The following GAPDHS variants were observed in gnomAD, a reference collection of about 807,000 sequenced individuals.
GAPDHS encodes the protein glyceraldehyde-3-phosphate dehydrogenase, spermatogenic.
In GAPDHS, 42 loss-of-function variants were observed where a neutral mutation model predicts 48.7. The ratio of observed to expected loss-of-function variants is 0.86; its 90% confidence interval spans 0.67 to 1.12. The LOEUF (loss-of-function observed/expected upper bound fraction) is 1.12. Among genes scored for constraint, GAPDHS ranks in the 50% most tolerant of loss-of-function variants. GAPDHS has a pLI of 0.00. For missense variants in GAPDHS, 512 were observed against 557.7 expected (o/e 0.92, Z 0.82); for synonymous variants, 166 against 219.1 (o/e 0.76, Z 2.14).
At position 35,533,558 on chromosome 19, in the gene GAPDHS, G is replaced by A. The variant is rs759333848; in HGVS notation, c.31G>A (p.Val11Ile). Residue 11 changes from valine to isoleucine, a missense_variant, in exon 1 of 11, where the codon GTC becomes ATC. Coordinates refer to ENST00000222286, the MANE Select transcript of GAPDHS (RefSeq NM_014364.5). MSKRDIVLTNVTVVQLLRQPC... is the reference protein window; with the variant it reads MSKRDIVLTNITVVQLLRQPC... ...GAAGCGCGACATCGTCCTCACCAAT[G>A]TCACCGTTGTCCAGTTGCTGCGACA... 3.0e-5 allele frequency: 49 copies of A among 1,613,404 alleles called. No individual in the cohort carries two copies. The highest frequency in any genetic ancestry group is 5.0e-5 in the Admixed American group (3 of 59,990).
rs1273404725 is a variant in GAPDHS, at chr19:35,545,276, C to T, written c.*106C>T. On this transcript the variant is annotated 3_prime_UTR_variant, in exon 11 of 11. Coordinates refer to ENST00000222286, the MANE Select transcript of GAPDHS (RefSeq NM_014364.5). Reference sequence around the variant, plus strand: ...GAGGAAGGACACCCGGGGCGGGCGCCCCACGCCGATGGGTCCATGGTGAAA... The same window carrying T: ...GAGGAAGGACACCCGGGGCGGGCGCTCCACGCCGATGGGTCCATGGTGAAA... 1.1e-6 allele frequency: 1 copy of T among 899,834 alleles called. No homozygotes were observed. Among genetic ancestry groups the T allele is most frequent in the African/African-American group, 1.6e-5 (1 of 61,318 alleles). The allele number at this position is 899,834 out of a possible 1,614,324, so 55.7% of individuals were successfully genotyped here.
At chr19:35,542,032 G>A in intron 4 of GAPDHS, 1 of 457,098 alleles carries the variant, frequency 2.2e-6, no homozygotes, top group Non-Finnish European at 4.1e-6. Context: ...GTCAGCATTG[G>A]CGCCTCTGAG....
At chr19:35,542,087 A>AT (rs2071507085) in intron 4 of GAPDHS, 1 of 556,854 alleles carries the variant, frequency 1.8e-6, no homozygotes, top group African/African-American at 1.9e-5. Context: ...GTACCCAGGC[A>AT]TAACAGGGGT....
At chr19:35,533,616 G>A (rs746493108) in intron 1 of GAPDHS, 22 bp downstream of exon 1, 17 of 1,592,224 alleles carry the variant, frequency 1.1e-5, no homozygotes, top group East Asian at 2.2e-5. Context: ...AGCGGAGGGC[G>A]CGGGGGAGGG....
At chr19:35,535,669 G>A (rs900312138) in intron 1 of GAPDHS, among the ~76,000 whole-genome samples, 4 of 151,876 alleles carry the variant, frequency 2.6e-5, no homozygotes, top group Admixed American at 2.6e-4. Context: ...TTACAGGCGT[G>A]AGCCACCGCT....
intron 10 of GAPDHS, 40 bp downstream of exon 10, chr19:35,545,046 T>C (rs1013225159): frequency 6.2e-7 from 1 of 1,601,542 alleles, no homozygotes; most frequent in African/African-American, 1.3e-5. Context: ...GGAGGGGAAC[T>C]AAGGGGTGGT....
At position 35,538,792 on chromosome 19, in the gene GAPDHS, C is replaced by A. The variant is rs2071482633; in HGVS notation, c.449+109C>A. On this transcript the variant is annotated intron_variant, in intron 4 of 10. Transcript: ENST00000222286. ...TCACATGGGGTGCTGAAACCACCCC[C>A]AAAATTGCGTGTGCATGCCTCTAGG... is the stretch of plus-strand genomic sequence containing the variant. The A allele has an allele frequency of 5.5e-6, 4 of 722,332 alleles. No individual in the cohort carries two copies. In the East Asian group the frequency reaches 1.1e-4, roughly 19 times the overall value. The allele number at this position is 722,332 out of a possible 1,614,324, so 44.7% of individuals were successfully genotyped here.
chr19:35,537,093 C>A (rs538933884), intron 2 of GAPDHS, 103 bp downstream of exon 2: 2 of 978,206 alleles, frequency 2.0e-6, no homozygotes, highest in Non-Finnish European at 3.1e-6. Flanking sequence ...TCAATGCTTT[C>A]GTTCCGACGA....
chr19:35,533,793 G>A (rs1019955618), intron 1 of GAPDHS, among the ~76,000 whole-genome samples, 199 bp downstream of exon 1: 2 of 152,196 alleles, frequency 1.3e-5, no homozygotes, highest in Non-Finnish European at 2.9e-5. Flanking sequence ...CGGGGAGACC[G>A]GGCCTCCGCC....
chr19:35,539,201 C>T (rs1311063562), intron 4 of GAPDHS, among the ~76,000 whole-genome samples: 2 of 152,320 alleles, frequency 1.3e-5, no homozygotes, highest in Middle Eastern at 3.4e-3. Flanking sequence ...TTTGCTTTAA[C>T]GCACATTTGC....
At position 35,542,373 on chromosome 19, in the gene GAPDHS, G is replaced by T. The variant is rs2071509787; in HGVS notation, c.504G>T (p.Glu168Asp). The T allele has an allele frequency of 6.2e-7, 1 of 1,612,686 alleles. No homozygotes were observed. The highest frequency in any genetic ancestry group is 8.5e-7 in the Non-Finnish European group (1 of 1,179,086). ...WRAVGSPYVV[E>D]STGVYLSIQA... ...CTGTCGGGAGCCCCTACGTGGTGGA[G>T]TCCACAGGCGTGTACCTCTCCATAC... Residue 168 changes from glutamate (E) to aspartate (D), a missense_variant, in exon 5 of 11, where the codon GAG (glutamate) becomes GAT (aspartate). Coordinates refer to ENST00000222286, the MANE Select transcript of GAPDHS (RefSeq NM_014364.5).
chr19:35,543,447 T>C lies in GAPDHS; in HGVS notation c.849T>C (p.Thr283=). The C allele has an allele frequency of 1.2e-6, 2 of 1,607,068 alleles. No homozygotes were observed. The highest frequency in any genetic ancestry group is 1.8e-5 in the Admixed American group (1 of 57,116). The change falls in exon 8 of 11, where the codon ACT becomes ACC. Residue 283 remains threonine (T), a synonymous_variant. Coordinates refer to ENST00000222286, the MANE Select transcript of GAPDHS (RefSeq NM_014364.5). ...ACCAGAACATCATCCCAGCCTCCACTGGGGCTGCGAAAGCTGTGACCAAAG... is the reference window on the plus strand; with the variant it reads ...ACCAGAACATCATCCCAGCCTCCACCGGGGCTGCGAAAGCTGTGACCAAAG... The part of the protein sequence containing the change: ...GAHQNIIPAS[T]GAAKAVTKVI...
At chr19:35,544,000 T>G in intron 9 of GAPDHS, 173 bp downstream of exon 9, 1 of 1,246,224 alleles carries the variant, frequency 8.0e-7, no homozygotes, top group Non-Finnish European at 1.1e-6. Flanking sequence ...AATGCTTCCC[T>G]TGCCAGGTGA....
intron 2 of GAPDHS, 44 bp from the exon 3 acceptor site, chr19:35,538,263 A>C: frequency 1.4e-6 from 2 of 1,383,650 alleles, no homozygotes; most frequent in Non-Finnish European, 2.0e-6. Context: ...CCTCCTCTCC[A>C]TTACCCCCTT....
chr19:35,536,723 G>A, intron 1 of GAPDHS, 90 bp from the exon 2 acceptor site: 1 of 1,106,418 alleles, frequency 9.0e-7, no homozygotes. Flanking sequence ...GAGGGGCCAG[G>A]AGCCAGCAAC....
intron 1 of GAPDHS, among the ~76,000 whole-genome samples, chr19:35,534,049 C>T (rs958464119): frequency 6.6e-6 from 1 of 152,242 alleles, no homozygotes; most frequent in Admixed American, 6.5e-5. Flanking sequence ...GTGCTGACCA[C>T]TTCGCAGGCG....
chr19:35,537,197 G>A (rs2071471841), intron 2 of GAPDHS, among the ~76,000 whole-genome samples: 1 of 152,216 alleles, frequency 6.6e-6, no homozygotes, highest in African/African-American at 2.4e-5. Flanking sequence ...AAATTAGATT[G>A]TTCAGTAGAG....
chr19:35,544,848 C>A, intron 9 of GAPDHS, 61 bp from the exon 10 acceptor site: 1 of 962,356 alleles, frequency 1.0e-6, no homozygotes, highest in Non-Finnish European at 1.7e-6. Flanking sequence ...GAGTCGGGGC[C>A]TCAGCTCCTG....
chr19:35,542,926 C>T lies in GAPDHS; in HGVS notation c.660-19C>T, dbSNP rs773171211. ...TGCGACTCACCTCACAGTGTCCGTG[C>T]ACACCTTGGCTGTTTCAGCAACGCG... On this transcript the variant is annotated intron_variant, in intron 6 of 10. Coordinates refer to ENST00000222286, the MANE Select transcript of GAPDHS (RefSeq NM_014364.5). The T allele has an allele frequency of 6.2e-7, 1 of 1,602,204 alleles. No homozygotes were observed.
Sources: allele counts gnomAD v4.1 joint callset (sites outside exome capture counted in the v4.1 genomes callset), GRCh38; gene constraint gnomAD v4.1.1; transcripts MANE v1.5; gene names NCBI Gene and HGNC (gene_info 2026-07-23, HGNC 2026-07-21).